DNAI2: variants seen among roughly 807,000 people sequenced by gnomAD.
DNAI2 encodes dynein, axonemal, intermediate polypeptide 2.
A neutral mutation model predicts 74.7 loss-of-function variants in DNAI2; 63 were observed. The ratio of observed to expected loss-of-function variants is 0.84; its 90% CI spans 0.69 to 1.04. DNAI2 has a LOEUF of 1.04. Ranked by LOEUF, DNAI2 falls within the 50% of genes least tolerant of loss-of-function variation. DNAI2 has a pLI of 0.00. For synonymous variants in DNAI2, 289 were observed against 314.9 expected (o/e 0.92, Z 0.87); for missense variants, 688 against 803.2 (o/e 0.86, Z 1.73).
intron 5 of DNAI2, 52 bp downstream of exon 5, chr17:74,289,788 G>A (rs370909237): frequency 1.2e-6 from 2 of 1,611,486 alleles, no homozygotes; most frequent in Non-Finnish European, 1.7e-6. Flanking sequence ...GCTGGGACCA[G>A]CACAAGTGGA....
intron 6 of DNAI2, among the ~76,000 whole-genome samples, chr17:74,298,945 C>T (rs1026554441): frequency 2.0e-5 from 3 of 152,168 alleles, no homozygotes; most frequent in African/African-American, 7.2e-5. Flanking sequence ...TCTAAGAAAA[C>T]ATATTTCTGG....
At position 74,314,629 on chromosome 17, in the gene DNAI2, A is replaced by ATGTGTATAAG; in HGVS notation, c.*96_*97insTGTGTATAAG. On this transcript the variant is annotated 3_prime_UTR_variant, in exon 14 of 14. Coordinates refer to ENST00000311014, the MANE Select transcript of DNAI2 (RefSeq NM_023036.6). ...TGCATGGCCATGGCAGGGCCTCGGGAAGACCTTCAGGAGTGGGGAAGGGTT... is the reference window on the plus strand; with the variant it reads ...TGCATGGCCATGGCAGGGCCTCGGGATGTGTATAAGAGACCTTCAGGAGTGGGGAAGGGTT... 3.9e-6 allele frequency: 1 copy of ATGTGTATAAG among 256,352 alleles called. No homozygotes were observed. 15.9% of individuals were successfully genotyped at this position (256,352 alleles called of 1,614,324 possible).
intron 3 of DNAI2, among the ~76,000 whole-genome samples, chr17:74,285,651 A>T (rs2051675316): frequency 6.6e-6 from 1 of 152,204 alleles, no homozygotes. Context: ...AAAGAAAAAG[A>T]ATCTCTTATA....
At chr17:74,288,932 A>G (rs1314776834) in intron 4 of DNAI2, among the ~76,000 whole-genome samples, 1 of 152,166 alleles carries the variant, frequency 6.6e-6, no homozygotes, top group Non-Finnish European at 1.5e-5. Flanking sequence ...GTGATGCAGG[A>G]CTAGGGGTGT....
chr17:74,283,518 G>A (rs1454737268), intron 2 of DNAI2, among the ~76,000 whole-genome samples: 2 of 151,920 alleles, frequency 1.3e-5, no homozygotes, highest in Non-Finnish European at 2.9e-5. Flanking sequence ...GGAGGCGGGC[G>A]GATTGCTTAT....
At chr17:74,309,767 A>C in intron 10 of DNAI2, 1 of 633,846 alleles carries the variant, frequency 1.6e-6, no homozygotes, top group Non-Finnish European at 2.8e-6. Flanking sequence ...GGGCCACGGA[A>C]GGGTGGGGGC....
At chr17:74,309,676 G>T (rs11653157) in intron 10 of DNAI2, 8 of 659,818 alleles carry the variant, frequency 1.2e-5, no homozygotes, top group Non-Finnish European at 1.9e-5. Context: ...CCCACAGGCC[G>T]ATTCCTTCAG....
intron 4 of DNAI2, among the ~76,000 whole-genome samples, chr17:74,287,590 G>A (rs753234877): frequency 2.6e-5 from 4 of 152,176 alleles, no homozygotes; most frequent in Non-Finnish European, 5.9e-5. Flanking sequence ...AACAAGCTAA[G>A]TCCATCCATA....
chr17:74,300,931 T>G lies in DNAI2; in HGVS notation c.865-115T>G. 1 of 1,449,738 alleles carries G rather than the reference T, an allele frequency of 6.9e-7. No individual in the cohort carries two copies. Among genetic ancestry groups the G allele is most frequent in the East Asian group, 2.3e-5 (1 of 43,014 alleles). The allele number at this position is 1,449,738 out of a possible 1,614,324, so 89.8% of individuals were successfully genotyped here. On this transcript the variant is annotated intron_variant, in intron 7 of 13. Coordinates refer to ENST00000311014, the MANE Select transcript of DNAI2 (RefSeq NM_023036.6). This position sits in a 1 kb window ranked among gnomAD's most constrained non-coding sequence, Gnocchi z 4.5. Reference sequence around the variant, plus strand: ...TTTGCTCCCACGAATTGCCGGGAGCTCCATCCTTTGTGGCCCAGTGGCTGA... The same window carrying G: ...TTTGCTCCCACGAATTGCCGGGAGCGCCATCCTTTGTGGCCCAGTGGCTGA...
chr17:74,298,728 G>A (rs539385816), intron 6 of DNAI2, among the ~76,000 whole-genome samples: 1 of 152,088 alleles, frequency 6.6e-6, no homozygotes, highest in South Asian at 2.1e-4. Context: ...TCAGCCTCCC[G>A]AGTAGCAGGC....
chr17:74,294,064 T>C (rs556281450), intron 6 of DNAI2, among the ~76,000 whole-genome samples: 1 of 151,876 alleles, frequency 6.6e-6, no homozygotes, highest in South Asian at 2.1e-4. Context: ...ATTACAGGCA[T>C]GAGCCACCAC....
At chr17:74,296,896 C>A (rs1304093210) in intron 6 of DNAI2, among the ~76,000 whole-genome samples, 1 of 152,178 alleles carries the variant, frequency 6.6e-6, no homozygotes, top group Non-Finnish European at 1.5e-5. Context: ...ACTGTTCTTA[C>A]CAAGATTCTG....
chr17:74,314,006 G>A (rs867298339), intron 12 of DNAI2, 115 bp from the exon 13 acceptor site: 25 of 1,573,084 alleles, frequency 1.6e-5, no homozygotes, highest in East Asian at 2.3e-5. Context: ...GGTGCTCAGC[G>A]ACCCAGGCTT....
chr17:74,307,015 C>G (rs552605658), intron 9 of DNAI2, among the ~76,000 whole-genome samples: 1 of 152,344 alleles, frequency 6.6e-6, no homozygotes, highest in African/African-American at 2.4e-5. Context: ...TGCTAAGGAG[C>G]AACCCCAGGC....
At chr17:74,314,080 C>T in intron 12 of DNAI2, 41 bp from the exon 13 acceptor site, 1 of 1,613,512 alleles carries the variant, frequency 6.2e-7, no homozygotes, top group Admixed American at 1.7e-5. Flanking sequence ...AAGGCCTGTC[C>T]CCTACCAACA....
At position 74,301,149 on chromosome 17, in the gene DNAI2, T is replaced by G; in HGVS notation, c.968T>G (p.Leu323Arg). The change falls in exon 8 of 14, where the codon CTG (leucine) becomes CGG (arginine). Residue 323 changes from leucine (L) to arginine (R), a missense_variant. By Grantham distance (102) the Leu-to-Arg change is moderately radical. Transcript: ENST00000311014. ...GAAAATGCCTTGGGGGCCATCTCCC[T>G]GGAGTTCGAATCTACTTTGGTGAGT... ...QLENALGAIS[L>R]EFESTLPTKF... 1 of 1,613,934 alleles carries G rather than the reference T, an allele frequency of 6.2e-7. No homozygotes were observed. The highest frequency in any genetic ancestry group is 8.5e-7 in the Non-Finnish European group (1 of 1,179,882).
At chr17:74,314,406 T>C in intron 13 of DNAI2, 135 bp downstream of exon 13, 1 of 1,196,228 alleles carries the variant, frequency 8.4e-7, no homozygotes, top group African/African-American at 1.5e-5. Flanking sequence ...GGGCACTGAG[T>C]CCTGAGCCAC....
At chr17:74,309,060 C>CAAA (rs549880425) in intron 9 of DNAI2, among the ~76,000 whole-genome samples, 193 bp from the exon 10 acceptor site, 36 of 53,760 alleles carry the variant, frequency 6.7e-4, no homozygotes, top group African/African-American at 1.8e-3. Context: ...AAGAGTGTCT[C>CAAA]AAAAAAAAAA....
chr17:74,287,039 CGAG>C lies in DNAI2; in HGVS notation c.413_415del (p.Glu138del). ...ACATCTATGAAGAGTATTTCAATGA[CGAG>C]GAGGCCATGGAAGTGATGGAGGAGG... On this transcript the variant is annotated inframe_deletion, in exon 4 of 14. Transcript: ENST00000311014. 1.2e-6 allele frequency: 2 copies of C among 1,613,814 alleles called. No individual in the cohort carries two copies. The highest frequency in any genetic ancestry group is 2.2e-5 in the East Asian group (1 of 44,862).
Sources: gnomAD v4.1 joint callset for allele counts (sites outside exome capture counted in the v4.1 genomes callset) on GRCh38, gnomAD v4.1.1 for gene constraint, Gnocchi (gnomAD v3.1) non-coding constraint, MANE v1.5 for transcripts, NCBI Gene and HGNC (gene_info 2026-07-23, HGNC 2026-07-21) for gene names.